Variants in CNTNAP2 observed in about 807,000 individuals in gnomAD.
CNTNAP2 encodes the protein contactin associated protein 2.
A neutral mutation model predicts 155.2 loss-of-function variants in CNTNAP2; 98 were observed. The observed-to-expected ratio is 0.63, with a 90% CI of 0.54 to 0.75. CNTNAP2 has a LOEUF of 0.75. Among genes scored for constraint, CNTNAP2 ranks in the 30% least tolerant of loss-of-function variants. The pLI, the probability that CNTNAP2 is intolerant of heterozygous loss-of-function variation, is 0.00. For missense variants in CNTNAP2, 1,727 were observed against 1,688.1 expected (o/e 1.02, Z -0.40); for synonymous variants, 651 against 631.2 (o/e 1.03, Z -0.47).
chr7:147,590,548 A>G (rs1193166189), intron 12 of CNTNAP2, among the ~76,000 whole-genome samples: 3 of 152,192 alleles, frequency 2.0e-5, no homozygotes, highest in Non-Finnish European at 4.4e-5. Flanking sequence ...TGGTGAGTCA[A>G]TTAAGCCTCT....
intron 21 of CNTNAP2, among the ~76,000 whole-genome samples, chr7:148,337,571 T>A (rs1798142345): frequency 6.6e-6 from 1 of 152,230 alleles, no homozygotes; most frequent in Admixed American, 6.5e-5. Context: ...TGCTACTTTG[T>A]CCAAGATCCA....
At chr7:147,860,072 G>A (rs531801847) in intron 13 of CNTNAP2, among the ~76,000 whole-genome samples, 25 of 152,024 alleles carry the variant, frequency 1.6e-4, no homozygotes, top group Non-Finnish European at 2.8e-4. Context: ...TCATGGGGGC[G>A]GTTTCCCCCA....
chr7:147,564,933 A>G (rs868342770), intron 12 of CNTNAP2, among the ~76,000 whole-genome samples: 1 of 152,192 alleles, frequency 6.6e-6, no homozygotes, highest in South Asian at 2.1e-4. Context: ...GGCACCTTTC[A>G]GTTCTTTGCC....
At chr7:146,642,017 T>C (rs1799716931) in intron 1 of CNTNAP2, among the ~76,000 whole-genome samples, 1 of 152,168 alleles carries the variant, frequency 6.6e-6, no homozygotes. Flanking sequence ...CCTTAAATTA[T>C]GTATAATTGA....
chr7:146,923,151 A>G (rs760856484), intron 3 of CNTNAP2, among the ~76,000 whole-genome samples: 6 of 152,172 alleles, frequency 3.9e-5, no homozygotes, highest in Non-Finnish European at 8.8e-5. Flanking sequence ...TGTTTTAGGA[A>G]TAATAAAAGT....
At chr7:147,866,693 C>T (rs542350224) in intron 13 of CNTNAP2, among the ~76,000 whole-genome samples, 117 of 150,966 alleles carry the variant, frequency 7.8e-4, no homozygotes, top group African/African-American at 2.8e-3. Context: ...TTCTTTGCCT[C>T]TTTTGATCTT....
intron 1 of CNTNAP2, among the ~76,000 whole-genome samples, chr7:146,172,032 A>ATTGTTTTGT (rs1798399421): frequency 1.5e-5 from 1 of 67,612 alleles, no homozygotes; most frequent in Admixed American, 2.0e-4. Context: ...TGCTCTTAGT[A>ATTGTTTTGT]TTTTTTTTTT....
intron 10 of CNTNAP2, among the ~76,000 whole-genome samples, chr7:147,456,188 T>C (rs1797915317): frequency 6.6e-6 from 1 of 152,136 alleles, no homozygotes; most frequent in Admixed American, 6.6e-5. Flanking sequence ...ACCTTTCCAC[T>C]AGAACAAGAT....
chr7:146,796,864 C>T (rs1255048490), intron 2 of CNTNAP2, among the ~76,000 whole-genome samples: 6 of 152,014 alleles, frequency 3.9e-5, no homozygotes, highest in African/African-American at 1.2e-4. Context: ...TGGCCGGGCG[C>T]GGTGGCTCAC....
intron 13 of CNTNAP2, among the ~76,000 whole-genome samples, chr7:147,662,416 T>C (rs977883454): frequency 6.6e-6 from 1 of 152,196 alleles, no homozygotes; most frequent in African/African-American, 2.4e-5. Flanking sequence ...GAGTAGGAAA[T>C]AAAATTAAGG....
chr7:146,644,858 G>A (rs903086046), intron 1 of CNTNAP2, among the ~76,000 whole-genome samples: 3 of 151,950 alleles, frequency 2.0e-5, no homozygotes, highest in Admixed American at 1.3e-4. Flanking sequence ...CAACCAAAAC[G>A]AGTCCAGGAC....
At chr7:147,436,873 T>C (rs1053995971) in intron 10 of CNTNAP2, among the ~76,000 whole-genome samples, 1 of 152,176 alleles carries the variant, frequency 6.6e-6, no homozygotes, top group African/African-American at 2.4e-5. Context: ...TGATGGCTCC[T>C]GGGTGCTTAA....
intron 13 of CNTNAP2, among the ~76,000 whole-genome samples, chr7:147,736,407 G>T (rs1796845288): frequency 6.6e-6 from 1 of 152,186 alleles, no homozygotes; most frequent in South Asian, 2.1e-4. Context: ...AGTCTGATGG[G>T]CTTCCCTTTG....
intron 4 of CNTNAP2, among the ~76,000 whole-genome samples, chr7:147,086,462 G>C (rs1800281382): frequency 6.6e-6 from 1 of 151,794 alleles, no homozygotes; most frequent in East Asian, 1.9e-4. Flanking sequence ...TTTTGAGACA[G>C]ATTTCTCTCT....
chr7:147,289,735 A>G (rs1411611207), intron 8 of CNTNAP2, among the ~76,000 whole-genome samples: 1 of 152,190 alleles, frequency 6.6e-6, no homozygotes. Flanking sequence ...ATGAACATTT[A>G]GTCTTGGGGT....
chr7:148,145,858 T>C (rs1484828443), intron 16 of CNTNAP2, among the ~76,000 whole-genome samples: 1 of 152,170 alleles, frequency 6.6e-6, no homozygotes, highest in African/African-American at 2.4e-5. Context: ...CTAATTTAGA[T>C]GAGATATTTT....
chr7:147,165,223 T>G (rs1052155402), intron 8 of CNTNAP2, among the ~76,000 whole-genome samples: 5 of 152,198 alleles, frequency 3.3e-5, no homozygotes, highest in Non-Finnish European at 4.4e-5. Context: ...GCATTGTGGT[T>G]TTGATTTGTA....
chr7:148,231,141 G>C (rs574289407), intron 20 of CNTNAP2, among the ~76,000 whole-genome samples: 15 of 152,212 alleles, frequency 9.9e-5, no homozygotes, highest in African/African-American at 3.6e-4. Context: ...TAACAGCAGA[G>C]ACCCACCACA....
intron 13 of CNTNAP2, among the ~76,000 whole-genome samples, chr7:147,685,960 C>T (rs1796010989): frequency 6.6e-6 from 1 of 151,810 alleles, no homozygotes. Flanking sequence ...GAGTGAGGGG[C>T]AGACTTATTG....
Sources: gnomAD v4.1 joint callset for allele counts (sites outside exome capture counted in the v4.1 genomes callset) on GRCh38, gnomAD v4.1.1 for gene constraint, MANE v1.5 for transcripts, NCBI Gene and HGNC (gene_info 2026-07-23, HGNC 2026-07-21) for gene names.